ADGRA3: variants seen among roughly 807,000 people sequenced by gnomAD.
ADGRA3 encodes the protein adhesion G protein-coupled receptor A3.
In ADGRA3, 56 loss-of-function variants were observed where a neutral mutation model predicts 119.8. The ratio of observed to expected loss-of-function variants is 0.47; its 90% CI spans 0.38 to 0.58. The LOEUF (loss-of-function observed/expected upper bound fraction) is 0.58. Among genes scored for constraint, ADGRA3 ranks in the 20% least tolerant of loss-of-function variants. The pLI, the probability that ADGRA3 is intolerant of heterozygous loss-of-function variation, is 0.00. For synonymous variants in ADGRA3, 607 were observed against 623.8 expected (o/e 0.97, Z 0.40); for missense variants, 1,516 against 1,649.0 (o/e 0.92, Z 1.40).
chr4:22,389,404 T>G (rs1488257006), intron 17 of ADGRA3, among the ~76,000 whole-genome samples: 1 of 152,182 alleles, frequency 6.6e-6, no homozygotes, highest in Non-Finnish European at 1.5e-5. Flanking sequence ...TCTAGTAAGT[T>G]TCTGAGTAGA....
chr4:22,393,537 A>C (rs1714226162), intron 16 of ADGRA3: 1 of 152,122 alleles, frequency 6.6e-6, no homozygotes, highest in Non-Finnish European at 1.5e-5. Context: ...ATTTTCCTTG[A>C]TTTTTAAACT....
chr4:22,414,635 C>G lies in ADGRA3; in HGVS notation c.1810-821G>C, dbSNP rs533689541. 10 of 695,496 alleles carry G rather than the reference C, an allele frequency of 1.4e-5. No individual in the cohort carries two copies. The South Asian group carries it at 1.5e-4, about 11-fold the overall frequency. The allele number at this position is 695,496 out of a possible 1,614,324, so 43.1% of individuals were successfully genotyped here. ...AAGAAACAAATCGAATCATGTTATT[C>G]CAGTTTAAATAACACCTTGGTTTTG... On this transcript the variant is annotated intron_variant, in intron 12 of 18. Coordinates refer to ENST00000334304, the MANE Select transcript of ADGRA3 (RefSeq NM_145290.4).
intron 4 of ADGRA3, among the ~76,000 whole-genome samples, chr4:22,453,943 G>A (rs916259398): frequency 1.3e-5 from 2 of 151,758 alleles, no homozygotes; most frequent in Non-Finnish European, 2.9e-5. Context: ...CCTCTGCAAC[G>A]TCTGCCTCCT....
At chr4:22,445,269 T>G (rs1716789238) in intron 5 of ADGRA3, 136 bp from the exon 6 acceptor site, 2 of 717,856 alleles carry the variant, frequency 2.8e-6, no homozygotes, top group Admixed American at 2.3e-5. Context: ...TTTCATCAAC[T>G]AGCTACAGTT....
chr4:22,426,508 CA>C (rs1254435836), intron 10 of ADGRA3, among the ~76,000 whole-genome samples: 1 of 151,996 alleles, frequency 6.6e-6, no homozygotes, highest in Non-Finnish European at 1.5e-5. Flanking sequence ...TATTGAGGGC[CA>C]ATGTGAGCCA....
At chr4:22,472,153 C>T (rs973257669) in intron 2 of ADGRA3, among the ~76,000 whole-genome samples, 1 of 152,168 alleles carries the variant, frequency 6.6e-6, no homozygotes, top group African/African-American at 2.4e-5. Flanking sequence ...ACACTAATGC[C>T]TTTCATTATC....
At chr4:22,397,402 G>C (rs1714408384) in intron 16 of ADGRA3, among the ~76,000 whole-genome samples, 1 of 151,888 alleles carries the variant, frequency 6.6e-6, no homozygotes, top group Non-Finnish European at 1.5e-5. Flanking sequence ...GAATGGTCTC[G>C]ATCTCTTGAC....
chr4:22,496,069 A>G (rs1194806863), intron 1 of ADGRA3, among the ~76,000 whole-genome samples: 1 of 152,234 alleles, frequency 6.6e-6, no homozygotes, highest in Admixed American at 6.5e-5. Flanking sequence ...CCATTAATGT[A>G]AGTATATACA....
intron 16 of ADGRA3, among the ~76,000 whole-genome samples, chr4:22,399,862 TAC>T (rs2109004402): frequency 6.6e-6 from 1 of 152,308 alleles, no homozygotes; most frequent in East Asian, 1.9e-4. Flanking sequence ...TAAAAAATTC[TAC>T]AGATTAATCT....
At position 22,446,522 on chromosome 4, in the gene ADGRA3, T is replaced by C. The variant is rs528788743; in HGVS notation, c.545+918A>G. The stretch of plus-strand genomic sequence containing the variant: ...CCAAAAAGAGAAACAAGATGGAGTA[T>C]GGAGTGTGAGCCAAAGTGACTCCAG... On this transcript the variant is annotated intron_variant, in intron 5 of 18. Transcript: ENST00000334304. 7.2e-5 allele frequency among the ~76,000 whole-genome samples: 11 copies of C among 152,268 alleles called. 1 individual carries two copies. The South Asian group carries it at 1.7e-3, about 23-fold the overall frequency.
chr4:22,446,519 G>T (rs1456298030), intron 5 of ADGRA3, among the ~76,000 whole-genome samples: 1 of 152,178 alleles, frequency 6.6e-6, no homozygotes, highest in African/African-American at 2.4e-5. Context: ...ACAAGATGGA[G>T]TATGGAGTGT....
rs1045592068 is a variant in ADGRA3 at position 22,455,794 on chromosome 4, A to AT, written c.402-858dup. 28 of 1,286,420 alleles carry AT rather than the reference A, an allele frequency of 2.2e-5. No homozygotes were observed. In the African/African-American group the frequency reaches 4.1e-4, roughly 19 times the overall value. 79.7% of individuals were successfully genotyped at this position (1,286,420 alleles called of 1,614,324 possible). ...TTATGTTGGGAGATAACCACTGACA[A>AT]TATCTGTAACTTACACCTGGCATGG... is the stretch of plus-strand genomic sequence containing the variant. On this transcript the variant is annotated intron_variant, in intron 3 of 18. Transcript: ENST00000334304.
At chr4:22,470,817 C>T (rs910738920) in intron 2 of ADGRA3, among the ~76,000 whole-genome samples, 2 of 152,146 alleles carry the variant, frequency 1.3e-5, no homozygotes, top group African/African-American at 4.8e-5. Flanking sequence ...AGAATGATGT[C>T]CAACAAGGTG....
chr4:22,471,637 A>G (rs1008990546), intron 2 of ADGRA3, among the ~76,000 whole-genome samples: 4 of 152,058 alleles, frequency 2.6e-5, no homozygotes, highest in Non-Finnish European at 5.9e-5. Flanking sequence ...GGATGTGCTG[A>G]GCTTAGGGGC....
chr4:22,511,012 T>C (rs1719430532), intron 1 of ADGRA3, among the ~76,000 whole-genome samples: 1 of 152,242 alleles, frequency 6.6e-6, no homozygotes, highest in Non-Finnish European at 1.5e-5. Context: ...TAATTATTAG[T>C]TCTTTGATAA....
chr4:22,392,798 C>T lies in ADGRA3; in HGVS notation c.2482-108G>A, dbSNP rs191754397. On this transcript the variant is annotated intron_variant, in intron 16 of 18. Transcript: ENST00000334304. ...GTCTGATTTGAAAGCAGCAGGAAGG[C>T]CTATCCTAATAATCAACTCTGTTGC... 6.1e-5 allele frequency: 58 copies of T among 951,404 alleles called. No individual in the cohort carries two copies. In the East Asian group the frequency reaches 1.5e-3, roughly 25 times the overall value. The allele number at this position is 951,404 out of a possible 1,614,324, so 58.9% of individuals were successfully genotyped here. A position where few individuals can be genotyped will look rare whatever the true frequency, so the allele number is the denominator to read the frequency against.
At chr4:22,513,220 A>C (rs1309962061) in intron 1 of ADGRA3, among the ~76,000 whole-genome samples, 5 of 141,714 alleles carry the variant, frequency 3.5e-5, no homozygotes, top group African/African-American at 1.3e-4. Context: ...TTCTTGTCTC[A>C]CTGCAAACTC....
intron 10 of ADGRA3, among the ~76,000 whole-genome samples, chr4:22,430,826 G>A (rs1275273905): frequency 2.3e-5 from 1 of 43,824 alleles, no homozygotes; most frequent in African/African-American, 5.7e-5. Flanking sequence ...TGGTTTCATA[G>A]GCTGGGCCCA....
intron 12 of ADGRA3, among the ~76,000 whole-genome samples, chr4:22,417,490 G>C (rs1560306066): frequency 6.6e-6 from 1 of 152,044 alleles, no homozygotes; most frequent in African/African-American, 2.4e-5. Context: ...ACAACCCTTC[G>C]AGTTAAGGAC....
Sources: allele counts gnomAD v4.1 joint callset (sites outside exome capture counted in the v4.1 genomes callset), GRCh38; gene constraint gnomAD v4.1.1; transcripts MANE v1.5; gene names NCBI Gene and HGNC (gene_info 2026-07-23, HGNC 2026-07-21).